Variants in ENPP1 observed in about 807,000 individuals in gnomAD.
ENPP1 encodes the protein ectonucleotide pyrophosphatase/phosphodiesterase 1, also known as ectonucleotide pyrophosphatase/phosphodiesterase family member 1.
Under a neutral mutation model 122.8 loss-of-function variants are expected in ENPP1, and 73 were observed. The ratio of observed to expected loss-of-function variants is 0.59; its 90% CI spans 0.49 to 0.72. The LOEUF (loss-of-function observed/expected upper bound fraction) is 0.72. Ranked by LOEUF, ENPP1 falls within the 30% of genes least tolerant of loss-of-function variation. ENPP1 has a pLI of 0.00. For synonymous variants in ENPP1, 367 were observed against 391.6 expected (o/e 0.94, Z 0.74); for missense variants, 978 against 1,128.1 (o/e 0.87, Z 1.91).
intron 17 of ENPP1, among the ~76,000 whole-genome samples, chr6:131,876,582 T>C (rs929887036): frequency 3.9e-5 from 6 of 152,194 alleles, no homozygotes; most frequent in African/African-American, 1.4e-4. Context: ...CAAAGCTGGT[T>C]TTGAATTCTA....
intron 1 of ENPP1, among the ~76,000 whole-genome samples, chr6:131,813,059 T>C (rs1781373987): frequency 6.6e-6 from 1 of 152,180 alleles, no homozygotes; most frequent in South Asian, 2.1e-4. Flanking sequence ...CAGGCTGGTC[T>C]TGAACTCCTG....
intron 6 of ENPP1, among the ~76,000 whole-genome samples, chr6:131,857,851 G>A (rs976784233): frequency 2.0e-5 from 3 of 152,182 alleles, no homozygotes; most frequent in African/African-American, 7.2e-5. Context: ...AGGAGAGCTT[G>A]TCTCCATGGT....
chr6:131,863,581 CCTT>C (rs1782050421), intron 9 of ENPP1, among the ~76,000 whole-genome samples: 1 of 152,004 alleles, frequency 6.6e-6, no homozygotes. Flanking sequence ...CTCTTCTCCA[CCTT>C]CTTATTTGCC....
chr6:131,844,019 A>AT (rs1485284789), intron 1 of ENPP1, among the ~76,000 whole-genome samples: 2 of 152,176 alleles, frequency 1.3e-5, no homozygotes, highest in Non-Finnish European at 1.5e-5. Flanking sequence ...GCCTTCTGAC[A>AT]TGCCTATCTC....
At chr6:131,826,386 C>G in intron 1 of ENPP1, 1 of 1,009,342 alleles carries the variant, frequency 9.9e-7, no homozygotes, top group Admixed American at 1.8e-5. Context: ...AGGGCAGATT[C>G]TCAATATTAA....
rs1248362864 is a variant in ENPP1, at chr6:131,894,445, G to C, written c.*3934G>C. ...GGATTATAGGCGCATGCCACACCTG[G>C]CTTTTTGTATTTTAGTGGAGATGGG... On this transcript the variant is annotated 3_prime_UTR_variant, in exon 25 of 25. Coordinates refer to ENST00000647893, the MANE Select transcript of ENPP1 (RefSeq NM_006208.3). 1.3e-5 allele frequency: 2 copies of C among 151,846 alleles called. No homozygotes were observed. Among genetic ancestry groups the C allele is most frequent in the Non-Finnish European group, 2.9e-5 (2 of 68,046 alleles). 9.4% of individuals were successfully genotyped at this position (151,846 alleles called of 1,614,324 possible).
intron 1 of ENPP1, among the ~76,000 whole-genome samples, chr6:131,828,663 G>C (rs973673255): frequency 2.0e-5 from 3 of 152,192 alleles, no homozygotes; most frequent in African/African-American, 7.2e-5. Flanking sequence ...GGGGGTTTCA[G>C]TACCTGTGGG....
intron 1 of ENPP1, among the ~76,000 whole-genome samples, chr6:131,825,726 T>C (rs1171098989): frequency 6.6e-6 from 1 of 152,212 alleles, no homozygotes; most frequent in Non-Finnish European, 1.5e-5. Context: ...CTTATAAATA[T>C]TATTTTAAGA....
chr6:131,816,422 C>T (rs1183131605), intron 1 of ENPP1, among the ~76,000 whole-genome samples: 4 of 152,068 alleles, frequency 2.6e-5, no homozygotes, highest in African/African-American at 7.2e-5. Context: ...AGCTCAGGGC[C>T]GAACATAGAT....
intron 23 of ENPP1, among the ~76,000 whole-genome samples, chr6:131,886,341 C>T (rs142983400): frequency 1.3e-5 from 2 of 152,288 alleles, no homozygotes; most frequent in African/African-American, 4.8e-5. Context: ...TAAACTTCTA[C>T]AGAAAATAAA....
rs858343 is a variant in ENPP1, at chr6:131,841,307, C to A, written c.241-6469C>A. ...GAAATCCCGTGAAGACTCCCAGCAC[C>A]AGGCTGGTCTGAATCCTCACAGTTC... is the stretch of plus-strand genomic sequence containing the variant. On this transcript the variant is annotated intron_variant, in intron 1 of 24. Transcript: ENST00000647893. 3.3e-5 allele frequency among the ~76,000 whole-genome samples: 5 copies of A among 152,170 alleles called. No homozygotes were observed. In the East Asian group the frequency reaches 9.7e-4, roughly 29 times the overall value.
chr6:131,862,453 C>T (rs559226632), intron 9 of ENPP1, among the ~76,000 whole-genome samples: 21 of 152,076 alleles, frequency 1.4e-4, no homozygotes, highest in Non-Finnish European at 2.2e-4. Context: ...GTAATTCATG[C>T]AGAGCCAGCT....
intron 19 of ENPP1, among the ~76,000 whole-genome samples, chr6:131,878,883 G>GT (rs1782267715): frequency 6.6e-6 from 1 of 152,162 alleles, no homozygotes; most frequent in Admixed American, 6.5e-5. Context: ...GATGATTTCT[G>GT]TAAGTTGATA....
chr6:131,813,809 G>T (rs1056221901), intron 1 of ENPP1, among the ~76,000 whole-genome samples: 15 of 152,210 alleles, frequency 9.9e-5, no homozygotes, highest in South Asian at 8.3e-4. Flanking sequence ...TTTCTCTGGG[G>T]TTTCCTTGGC....
At chr6:131,890,287 A>C in intron 24 of ENPP1, 54 bp from the exon 25 acceptor site, 1 of 1,414,306 alleles carries the variant, frequency 7.1e-7, no homozygotes. Context: ...CACTTATAGA[A>C]GTGAACTGAG....
intron 2 of ENPP1, 124 bp from the exon 3 acceptor site, chr6:131,849,866 C>T (rs114868782): frequency 1.7e-5 from 13 of 744,804 alleles, no homozygotes; most frequent in Middle Eastern, 2.8e-4. Flanking sequence ...ACTTTATTAC[C>T]CCATCTGTAT....
intron 5 of ENPP1, 25 bp downstream of exon 5, chr6:131,852,260 A>G: frequency 6.6e-7 from 1 of 1,510,532 alleles, no homozygotes; most frequent in Non-Finnish European, 9.1e-7. Flanking sequence ...TGAGGTATTA[A>G]TTTTTTCTTT....
chr6:131,811,671 G>A (rs1193857696), intron 1 of ENPP1, among the ~76,000 whole-genome samples: 4 of 152,140 alleles, frequency 2.6e-5, no homozygotes, highest in Admixed American at 2.6e-4. Context: ...TAGTGGGTGA[G>A]GCAGCTGTCA....
At chr6:131,838,105 A>G (rs1781699124) in intron 1 of ENPP1, among the ~76,000 whole-genome samples, 1 of 152,194 alleles carries the variant, frequency 6.6e-6, no homozygotes, top group African/African-American at 2.4e-5. Context: ...TAAAATAAAT[A>G]TATGTTGACA....
Sources: gnomAD v4.1 joint callset for allele counts (sites outside exome capture counted in the v4.1 genomes callset) on GRCh38, gnomAD v4.1.1 for gene constraint, MANE v1.5 for transcripts, NCBI Gene and HGNC (gene_info 2026-07-23, HGNC 2026-07-21) for gene names.